Variants in PLD5 observed in about 807,000 individuals in gnomAD.
PLD5 encodes inactive phospholipase D5.
PLD5 carries 36 observed loss-of-function variants against 61.1 expected under a neutral mutation model. The observed-to-expected ratio is 0.59, with a 90% CI of 0.45 to 0.78. PLD5 has a LOEUF of 0.78. Ranked by LOEUF, PLD5 falls within the 30% of genes least tolerant of loss-of-function variation. PLD5 has a pLI of 0.00. For synonymous variants in PLD5, 243 were observed against 242.8 expected, an observed-to-expected ratio of 1.00 and a Z score of -0.01; for missense variants, 515 against 644.4, an observed-to-expected ratio of 0.80 and a Z score of 2.17.
upstream of PLD5, among the ~76,000 whole-genome samples, chr1:242,528,552 G>GAAGT (rs148948975): frequency 0.05 from 7,569 of 152,196 alleles, 622 homozygotes; most frequent in African/African-American, 0.17. Flanking sequence ...AAAGTATCAA[G>GAAGT]AAGTGGGAGT....
intron 4 of PLD5, among the ~76,000 whole-genome samples, chr1:242,251,123 C>G (rs546106758): frequency 6.6e-6 from 1 of 152,036 alleles, no homozygotes; most frequent in East Asian, 1.9e-4. Flanking sequence ...TGAGGTATTC[C>G]GTGAATATCC....
At chr1:242,377,089 C>G (rs1360700676) in intron 1 of PLD5, 12 of 1,611,736 alleles carry the variant, frequency 7.4e-6, no homozygotes, top group Non-Finnish European at 1.0e-5. Context: ...GGTTTGTTCT[C>G]CTGTTGGTTA....
At chr1:242,144,019 G>T (rs534549419) in intron 5 of PLD5, among the ~76,000 whole-genome samples, 1 of 151,470 alleles carries the variant, frequency 6.6e-6, no homozygotes, top group Non-Finnish European at 1.5e-5. Context: ...ACAGGCTCCC[G>T]CCACCACGCC....
intron 1 of PLD5, among the ~76,000 whole-genome samples, chr1:242,522,959 A>T (rs1669325851): frequency 6.6e-6 from 1 of 152,170 alleles, no homozygotes; most frequent in Non-Finnish European, 1.5e-5. Flanking sequence ...CTTTCAGATT[A>T]TTATAATAGA....
intron 2 of PLD5, among the ~76,000 whole-genome samples, chr1:242,305,884 C>T (rs1676319678): frequency 1.3e-5 from 2 of 152,092 alleles, no homozygotes; most frequent in African/African-American, 4.8e-5. Flanking sequence ...GAAGAGATGA[C>T]ACAGGGTGTC....
At chr1:242,315,269 T>C (rs1676937064) in intron 2 of PLD5, among the ~76,000 whole-genome samples, 1 of 152,190 alleles carries the variant, frequency 6.6e-6, no homozygotes, top group Non-Finnish European at 1.5e-5. Context: ...AAAAACCTAC[T>C]GGAAATTAAG....
chr1:242,262,205 C>T (rs1377117114), intron 4 of PLD5, among the ~76,000 whole-genome samples: 1 of 152,100 alleles, frequency 6.6e-6, no homozygotes, highest in African/African-American at 2.4e-5. Flanking sequence ...GCCAAAGAAT[C>T]CAGATATAGA....
At chr1:242,306,721 G>C (rs1328541829) in intron 2 of PLD5, among the ~76,000 whole-genome samples, 1 of 151,274 alleles carries the variant, frequency 6.6e-6, no homozygotes, top group South Asian at 2.1e-4. Context: ...CACTGAGAAA[G>C]AGAATAAGAA....
At chr1:242,102,818 G>A (rs943980905) in intron 8 of PLD5, among the ~76,000 whole-genome samples, 1 of 152,036 alleles carries the variant, frequency 6.6e-6, no homozygotes, top group African/African-American at 2.4e-5. Flanking sequence ...TTTATAAAAT[G>A]GCTATATGTG....
chr1:242,394,908 A>ATATATATG (rs1214112535), intron 1 of PLD5, among the ~76,000 whole-genome samples: 29 of 130,246 alleles, frequency 2.2e-4, no homozygotes, highest in Non-Finnish European at 3.8e-4. Flanking sequence ...TTATATATGA[A>ATATATATG]TATATATGTA....
chr1:242,396,484 T>C (rs1023133350), intron 1 of PLD5, among the ~76,000 whole-genome samples: 1 of 152,148 alleles, frequency 6.6e-6, no homozygotes, highest in African/African-American at 2.4e-5. Flanking sequence ...CTGCATTCCC[T>C]GTCTCCAGTT....
chr1:242,402,498 T>C (rs1663995633), intron 1 of PLD5, among the ~76,000 whole-genome samples: 1 of 152,208 alleles, frequency 6.6e-6, no homozygotes. Flanking sequence ...AAATGAACTA[T>C]ATGGTTGCCT....
chr1:242,466,273 G>A (rs1301035240), intron 1 of PLD5, among the ~76,000 whole-genome samples: 1 of 152,086 alleles, frequency 6.6e-6, no homozygotes, highest in African/African-American at 2.4e-5. Context: ...TGTATCCTAG[G>A]TGTGTAGCGC....
chr1:242,454,493 G>A (rs1256322701), intron 1 of PLD5, among the ~76,000 whole-genome samples: 2 of 151,938 alleles, frequency 1.3e-5, no homozygotes, highest in Admixed American at 6.6e-5. Flanking sequence ...AAAAAATGAG[G>A]TCAAGGCACT....
chr1:242,127,484 T>A (rs1447291767), intron 5 of PLD5, among the ~76,000 whole-genome samples: 1 of 152,198 alleles, frequency 6.6e-6, no homozygotes, highest in Non-Finnish European at 1.5e-5. Flanking sequence ...TAAAAAGGAA[T>A]GAATTAATGG....
At chr1:242,406,088 T>C (rs1343612306) in intron 1 of PLD5, among the ~76,000 whole-genome samples, 1 of 152,152 alleles carries the variant, frequency 6.6e-6, no homozygotes, top group Non-Finnish European at 1.5e-5. Context: ...AGCCCTACCA[T>C]GAGTTGCAAG....
rs574163330 is a variant in PLD5, at chr1:242,285,657, T to C, written c.495+2705A>G. On this transcript the variant is annotated intron_variant, in intron 3 of 9. Coordinates refer to ENST00000536534, the MANE Select transcript of PLD5 (RefSeq NM_001372062.1). ...TTATGCAATGGCAGAGTGCTTGCAATAGTACCACCTGCTATAAAATAGAAC... is the reference window on the plus strand; with the variant it reads ...TTATGCAATGGCAGAGTGCTTGCAACAGTACCACCTGCTATAAAATAGAAC... 7.3e-3 allele frequency among the ~76,000 whole-genome samples: 1,103 copies of C among 151,614 alleles called. 15 individuals carry two copies. The highest frequency in any genetic ancestry group is 0.025 in the African/African-American group (1,030 of 41,286).
chr1:242,243,110 C>T (rs1672160972), intron 4 of PLD5, among the ~76,000 whole-genome samples: 1 of 152,206 alleles, frequency 6.6e-6, no homozygotes, highest in Non-Finnish European at 1.5e-5. Context: ...TCTGGGGCTG[C>T]CAAACAGACA....
At chr1:242,320,754 C>T (rs1015834997) in intron 2 of PLD5, among the ~76,000 whole-genome samples, 1 of 152,148 alleles carries the variant, frequency 6.6e-6, no homozygotes, top group African/African-American at 2.4e-5. Context: ...TCCTCCCTGG[C>T]ATCCATTAGA....
Sources: gnomAD v4.1 joint callset for allele counts (sites outside exome capture counted in the v4.1 genomes callset) on GRCh38, gnomAD v4.1.1 for gene constraint, MANE v1.5 for transcripts, NCBI Gene and HGNC (gene_info 2026-07-23, HGNC 2026-07-21) for gene names.